Variants in NMD3 observed in about 807,000 individuals in gnomAD.
NMD3 encodes 60S ribosomal export protein NMD3.
NMD3 carries 47 observed loss-of-function variants against 73.1 expected under a neutral mutation model. That is an observed-to-expected ratio of 0.64 (90% CI 0.51 to 0.82). The LOEUF (loss-of-function observed/expected upper bound fraction) is 0.82, where lower values mean the gene tolerates loss of function less well. NMD3 is among the 40% of genes least tolerant of loss of function. The probability of loss-of-function intolerance (pLI) is 0.00; values close to 1 mark genes in which losing one functional copy is unlikely to be tolerated. For synonymous variants in NMD3, 210 were observed against 194.5 expected (o/e 1.08, Z -0.66); for missense variants, 554 against 612.5 (o/e 0.90, Z 1.01).
intron 11 of NMD3, among the ~76,000 whole-genome samples, chr3:161,243,739 A>C (rs572155845): frequency 3.7e-4 from 56 of 152,242 alleles, no homozygotes; most frequent in African/African-American, 1.3e-3. Flanking sequence ...ATTTAGGTTA[A>C]ATTTTTCTTG....
chr3:161,238,680 C>A, intron 8 of NMD3, 50 bp from the exon 9 acceptor site: 1 of 876,280 alleles, frequency 1.1e-6, no homozygotes, highest in Admixed American at 1.8e-5. Flanking sequence ...TGAGTCCATA[C>A]AGGTTAATGA....
chr3:161,223,923 T>G (rs924615930), intron 2 of NMD3, among the ~76,000 whole-genome samples: 1 of 152,226 alleles, frequency 6.6e-6, no homozygotes, highest in African/African-American at 2.4e-5. Context: ...GTTGGGAAGT[T>G]TATCTGTTTA....
intron 2 of NMD3, among the ~76,000 whole-genome samples, chr3:161,224,433 C>G (rs1736227220): frequency 6.6e-6 from 1 of 152,030 alleles, no homozygotes; most frequent in Non-Finnish European, 1.5e-5. Flanking sequence ...GTGTTTTTGC[C>G]CCTGTATTAC....
At chr3:161,249,043 A>C (rs560188912) in intron 13 of NMD3, among the ~76,000 whole-genome samples, 1 of 152,320 alleles carries the variant, frequency 6.6e-6, no homozygotes, top group African/African-American at 2.4e-5. Flanking sequence ...TCTAAGATAC[A>C]TTGTTGTGAA....
chr3:161,230,959 GGT>G (rs766380759), intron 4 of NMD3, among the ~76,000 whole-genome samples: 2 of 152,282 alleles, frequency 1.3e-5, no homozygotes, highest in Non-Finnish European at 2.9e-5. Context: ...GTGTTGGATG[GGT>G]GCTGGGCAGT....
At chr3:161,253,088 C>G, downstream of NMD3, 1 of 206,868 alleles carries the variant, frequency 4.8e-6, no homozygotes, top group East Asian at 1.0e-4. Flanking sequence ...CAGAGTGAGA[C>G]TCTGTTCCCC....
chr3:161,227,421 A>C (rs1736362789), intron 4 of NMD3, 78 bp downstream of exon 4: 1 of 635,058 alleles, frequency 1.6e-6, no homozygotes, highest in Non-Finnish European at 2.7e-6. Context: ...TCTTGTGAGT[A>C]GGTTTTTCAA....
intron 11 of NMD3, among the ~76,000 whole-genome samples, chr3:161,244,082 A>G (rs756593836): frequency 6.6e-6 from 1 of 152,180 alleles, no homozygotes; most frequent in South Asian, 2.1e-4. Flanking sequence ...GCTTTTCATT[A>G]TTAACTAGGG....
intron 3 of NMD3, 118 bp downstream of exon 3, chr3:161,225,182 A>C: frequency 8.9e-7 from 1 of 1,129,606 alleles, no homozygotes; most frequent in Non-Finnish European, 1.2e-6. Flanking sequence ...TTAAGGTTTA[A>C]ATTTTCTGTT....
At chr3:161,244,331 G>T (rs1737107531) in intron 11 of NMD3, among the ~76,000 whole-genome samples, 1 of 152,154 alleles carries the variant, frequency 6.6e-6, no homozygotes, top group Admixed American at 6.5e-5. Context: ...GGGTCTCCAT[G>T]TTACTCAGGC....
intron 12 of NMD3, among the ~76,000 whole-genome samples, chr3:161,246,701 A>G (rs1293822199): frequency 6.6e-6 from 1 of 152,198 alleles, no homozygotes; most frequent in African/African-American, 2.4e-5. Flanking sequence ...TTGAAGTTAT[A>G]TGGTTGTATC....
At chr3:161,236,366 A>T (rs1736758146) in intron 7 of NMD3, among the ~76,000 whole-genome samples, 1 of 152,104 alleles carries the variant, frequency 6.6e-6, no homozygotes. Context: ...ATTTTTGTTT[A>T]TAGCCATTCT....
Position 161,250,906 on chromosome 3 carries a change from CATA to C in NMD3, c.1511_*1del, listed in dbSNP as rs1737462614. ...GGTGAAGAAGGTGCATCAATGCTGACATAATGAGATGTTGTAGACTGTTTCCAT... is the reference window on the plus strand; with the variant it reads ...GGTGAAGAAGGTGCATCAATGCTGACATGAGATGTTGTAGACTGTTTCCAT... On this transcript the variant is annotated stop_lost and inframe_deletion, in exon 16 of 16. Coordinates refer to ENST00000351193, the MANE Select transcript of NMD3 (RefSeq NM_015938.5). 1 of 1,610,984 alleles carries C rather than the reference CATA, an allele frequency of 6.2e-7. No homozygotes were observed.
At chr3:161,239,630 A>G (rs969351663) in intron 9 of NMD3, among the ~76,000 whole-genome samples, 1 of 152,170 alleles carries the variant, frequency 6.6e-6, no homozygotes, top group African/African-American at 2.4e-5. Flanking sequence ...AACTTGCCCA[A>G]AGTTACATGA....
intron 7 of NMD3, among the ~76,000 whole-genome samples, chr3:161,236,451 T>C (rs1413995800): frequency 6.6e-6 from 1 of 152,148 alleles, no homozygotes; most frequent in East Asian, 1.9e-4. Context: ...GTTGAGCATA[T>C]TCTGGATACA....
intron 12 of NMD3, among the ~76,000 whole-genome samples, chr3:161,246,818 G>T (rs1477552058): frequency 3.3e-5 from 5 of 152,146 alleles, no homozygotes. Flanking sequence ...CAAAGGGCTT[G>T]TAAAGGCATA....
At chr3:161,225,851 A>T (rs1736291849) in intron 3 of NMD3, among the ~76,000 whole-genome samples, 1 of 151,926 alleles carries the variant, frequency 6.6e-6, no homozygotes, top group African/African-American at 2.4e-5. Context: ...TATATGTAAA[A>T]ATATATATGT....
At position 161,238,123 on chromosome 3, in the gene NMD3, T is replaced by G. The variant is rs1360374454; in HGVS notation, c.588T>G (p.Asp196Glu). Residue 196 changes from aspartate (D) to glutamate (E), a missense_variant, in exon 8 of 16, where the codon GAT becomes GAG. By Grantham distance (45) the Asp-to-Glu change is conservative. Coordinates refer to ENST00000351193, the MANE Select transcript of NMD3 (RefSeq NM_015938.5). ...TTTTTTTTTTTTAAGATGGTCTGGATTTTTATTATTCCTCAAAACAACATG... is the reference window on the plus strand; with the variant it reads ...TTTTTTTTTTTTAAGATGGTCTGGAGTTTTATTATTCCTCAAAACAACATG... ...LRIKEIHDGL[D>E]FYYSSKQHAQ... 6.3e-7 allele frequency: 1 copy of G among 1,596,034 alleles called. No individual in the cohort carries two copies. Among genetic ancestry groups the G allele is most frequent in the Non-Finnish European group, 8.5e-7 (1 of 1,172,540 alleles).
chr3:161,230,914 T>C (rs1394040230), intron 4 of NMD3, among the ~76,000 whole-genome samples: 2 of 152,084 alleles, frequency 1.3e-5, no homozygotes, highest in East Asian at 3.9e-4. Context: ...AGATATGAAA[T>C]AGTCCTCTAG....
Sources: allele counts gnomAD v4.1 joint callset (sites outside exome capture counted in the v4.1 genomes callset), GRCh38; gene constraint gnomAD v4.1.1; transcripts MANE v1.5; gene names NCBI Gene and HGNC (gene_info 2026-07-23, HGNC 2026-07-21).